Variants in RHEX observed in about 807,000 individuals in gnomAD.
RHEX encodes the protein regulator of hemoglobinization and erythroid cell expansion protein.
A neutral mutation model predicts 20.1 loss-of-function variants in RHEX; 18 were observed. The observed-to-expected ratio is 0.90, with a 90% CI of 0.62 to 1.33. RHEX has a LOEUF of 1.33. RHEX is among the 40% of genes most tolerant of loss of function. The pLI, the probability that RHEX is intolerant of heterozygous loss-of-function variation, is 0.00. For missense variants in RHEX, 192 were observed against 214.3 expected, an observed-to-expected ratio of 0.90 and a Z score of 0.65; for synonymous variants, 87 against 77.1, an observed-to-expected ratio of 1.13 and a Z score of -0.67.
At chr1:206,101,716 G>A (rs1553288421) in intron 5 of RHEX, 36 bp from the exon 6 acceptor site, 5 of 1,524,150 alleles carry the variant, frequency 3.3e-6, no homozygotes, top group Non-Finnish European at 4.5e-6. Flanking sequence ...AACGTGGTAG[G>A]GATCTTGACC....
At chr1:206,092,841 A>G (rs1391770980) in intron 1 of RHEX, among the ~76,000 whole-genome samples, 2 of 152,212 alleles carry the variant, frequency 1.3e-5, no homozygotes, top group Admixed American at 1.3e-4. Flanking sequence ...AGCAATGTGG[A>G]GGAGGCTGAA....
At chr1:206,059,390 G>C (rs958959081) in intron 1 of RHEX, among the ~76,000 whole-genome samples, 1 of 152,174 alleles carries the variant, frequency 6.6e-6, no homozygotes, top group Non-Finnish European at 1.5e-5. Context: ...GCCCCTAAAG[G>C]CTGTAAAACT....
rs28602496 is a variant in RHEX at position 206,101,928 on chromosome 1, G to A, written c.495G>A (p.Ala165=). The A allele has an allele frequency of 0.094, 151,550 of 1,611,140 alleles. 7,894 individuals carry two copies. Among genetic ancestry groups the A allele is most frequent in the South Asian group, 0.19 (17,144 of 90,950 alleles). The change falls in exon 6 of 6, where the codon GCG becomes GCA. Residue 165 remains alanine, a synonymous_variant. Transcript: ENST00000331555. The part of the protein sequence containing the change: ...YFVNPALSEP[A]EYDQVAM ...TCAACCCTGCTCTGTCTGAGCCAGC[G>A]GAATATGATCAAGTGGCCATGTGAA...
rs1380701709 is a variant in RHEX, at chr1:206,054,302, A to T, written c.-97+1037A>T. Among the ~76,000 whole-genome samples, 8 of 140,104 alleles carry T rather than the reference A, an allele frequency of 5.7e-5. No homozygotes were observed. In the East Asian group the frequency reaches 6.6e-4, roughly 12 times the overall value. The allele number at this position is 140,104 out of a possible 152,430, so 91.9% of individuals were successfully genotyped here. A position where few individuals can be genotyped will look rare whatever the true frequency, so the allele number is the denominator to read the frequency against. ...AAAGTCGTGAAAGAAAAAATGTTATAAAAAAATTTATGCAAAAAATGTTGT... is the reference window on the plus strand; with the variant it reads ...AAAGTCGTGAAAGAAAAAATGTTATTAAAAAATTTATGCAAAAAATGTTGT... On this transcript the variant is annotated intron_variant, in intron 1 of 5. Coordinates refer to ENST00000331555, the MANE Select transcript of RHEX (RefSeq NM_001007544.4).
intron 1 of RHEX, among the ~76,000 whole-genome samples, chr1:206,081,222 A>G (rs1176271754): frequency 2.0e-5 from 3 of 152,248 alleles, no homozygotes; most frequent in Non-Finnish European, 4.4e-5. Flanking sequence ...TATGTAACAC[A>G]GCACCTTAAT....
At chr1:206,089,654 C>A (rs1662908453) in intron 1 of RHEX, among the ~76,000 whole-genome samples, 1 of 151,472 alleles carries the variant, frequency 6.6e-6, no homozygotes, top group African/African-American at 2.4e-5. Flanking sequence ...TGTTTGGGGG[C>A]CCTAGTGTTT....
rs556381650 is a variant in RHEX, at chr1:206,067,330, C to T, written c.-97+14065C>T. 4.6e-5 allele frequency among the ~76,000 whole-genome samples: 7 copies of T among 152,280 alleles called. No individual in the cohort carries two copies. In the South Asian group the frequency reaches 1.5e-3, roughly 32 times the overall value. ...CTCTCCACCTTAATCCTGTCATCAT[C>T]CTAGGAGATTTTAGTGGCAATGTAG... On this transcript the variant is annotated intron_variant, in intron 1 of 5. Transcript: ENST00000331555. This position sits in a 1 kb window ranked among gnomAD's most constrained non-coding sequence, Gnocchi z 4.6.
chr1:206,063,851 C>G (rs531216510), intron 1 of RHEX, among the ~76,000 whole-genome samples: 2 of 151,960 alleles, frequency 1.3e-5, no homozygotes, highest in South Asian at 4.2e-4. Context: ...GCCTGGCCGC[C>G]CATCGTCTGG....
chr1:206,071,845 C>T (rs75602644), intron 1 of RHEX, among the ~76,000 whole-genome samples: 1 of 149,180 alleles, frequency 6.7e-6, no homozygotes, highest in Non-Finnish European at 1.5e-5. Context: ...TGAGACGCCC[C>T]CTGTCCAACA....
At chr1:206,071,667 C>T (rs1334184081) in intron 1 of RHEX, among the ~76,000 whole-genome samples, 6 of 150,732 alleles carry the variant, frequency 4.0e-5, no homozygotes, top group Non-Finnish European at 7.4e-5. Context: ...GGCAACATGG[C>T]GAGACCACAT....
At chr1:206,056,405 C>T (rs1310522046) in intron 1 of RHEX, 1 of 152,360 alleles carries the variant, frequency 6.6e-6, no homozygotes, top group African/African-American at 2.4e-5. Flanking sequence ...ACAGTAAGGA[C>T]TTCAACTGAC....
Position 206,067,588 on chromosome 1 carries a change from G to A in RHEX, c.-97+14323G>A, listed in dbSNP as rs538973947. ...AGCAACAACTTGGAGGGGGCCCCAG[G>A]TGGGGAGAGCAATTTTTCTGCCAGA... On this transcript the variant is annotated intron_variant, in intron 1 of 5. Transcript: ENST00000331555. The surrounding 1 kb of genome is among the most constrained non-coding windows in gnomAD (Gnocchi z 4.6). Among the ~76,000 whole-genome samples the A allele has an allele frequency of 2.6e-5, 4 of 152,266 alleles. No individual in the cohort carries two copies. The highest frequency in any genetic ancestry group is 9.6e-5 in the African/African-American group (4 of 41,538).
At chr1:206,078,942 T>C (rs1662684700) in intron 1 of RHEX, among the ~76,000 whole-genome samples, 1 of 152,208 alleles carries the variant, frequency 6.6e-6, no homozygotes, top group Admixed American at 6.5e-5. Flanking sequence ...GGTAAACAAA[T>C]ATTGCATAAA....
At chr1:206,088,640 G>A (rs1445150496) in intron 1 of RHEX, among the ~76,000 whole-genome samples, 2 of 152,042 alleles carry the variant, frequency 1.3e-5, no homozygotes, top group Non-Finnish European at 2.9e-5. Flanking sequence ...CCAAGATTGC[G>A]CCACTGCACT....
chr1:206,053,970 C>T (rs1375046873), intron 1 of RHEX, among the ~76,000 whole-genome samples: 3 of 152,174 alleles, frequency 2.0e-5, no homozygotes, highest in Admixed American at 6.5e-5. Flanking sequence ...TAATTGAAAT[C>T]CCAAACTTAC....
intron 1 of RHEX, among the ~76,000 whole-genome samples, chr1:206,074,554 T>TA (rs1226946248): frequency 1.3e-5 from 2 of 152,220 alleles, no homozygotes; most frequent in African/African-American, 4.8e-5. Context: ...GTTTTTAGTA[T>TA]ATTCACAGAG....
chr1:206,101,197 G>A lies in RHEX; in HGVS notation c.318G>A (p.Gln106=). The stretch of plus-strand genomic sequence containing the variant: ...CCTGCAGTTCGCCTCCTGCCTGCCA[G>A]GTAATGGATGTGCCTAGTGATCTCA... The part of the protein sequence containing the change: ...DSSCSSPPAC[Q]ATEDVDYTQV... The change falls in exon 5 of 6, where the codon CAG becomes CAA. Residue 106 remains glutamine (Q), a splice_region_variant and synonymous_variant. Coordinates refer to ENST00000331555, the MANE Select transcript of RHEX (RefSeq NM_001007544.4). 2 of 1,609,904 alleles carry A rather than the reference G, an allele frequency of 1.2e-6. No homozygotes were observed. The highest frequency in any genetic ancestry group is 1.7e-6 in the Non-Finnish European group (2 of 1,177,606).
At chr1:206,055,893 G>T (rs534088921) in intron 1 of RHEX, among the ~76,000 whole-genome samples, 4 of 152,214 alleles carry the variant, frequency 2.6e-5, no homozygotes, top group Non-Finnish European at 5.9e-5. Flanking sequence ...CCAAACGCTG[G>T]CCCCCATGTC....
intron 1 of RHEX, among the ~76,000 whole-genome samples, chr1:206,077,409 T>G (rs577789327): frequency 5.9e-5 from 9 of 152,348 alleles, no homozygotes; most frequent in African/African-American, 2.2e-4. Context: ...GAAATGGTTC[T>G]GATTCAAGGT....
Sources: gnomAD v4.1 joint callset for allele counts (sites outside exome capture counted in the v4.1 genomes callset) on GRCh38, gnomAD v4.1.1 for gene constraint, Gnocchi (gnomAD v3.1) non-coding constraint, MANE v1.5 for transcripts, NCBI Gene and HGNC (gene_info 2026-07-23, HGNC 2026-07-21) for gene names.